Variants in CSMD3 observed in about 807,000 individuals in gnomAD.
CSMD3 encodes the protein CUB and sushi domain-containing protein 3.
Under a neutral mutation model 435.2 loss-of-function variants are expected in CSMD3, and 177 were observed. The ratio of observed to expected loss-of-function variants is 0.41; its 90% confidence interval spans 0.36 to 0.46. The LOEUF (loss-of-function observed/expected upper bound fraction) is 0.46. CSMD3 is among the 20% of genes least tolerant of loss of function. The pLI is 0.34. For missense variants in CSMD3, 4,265 were observed against 4,504.6 expected (o/e 0.95, Z 1.52); for synonymous variants, 1,656 against 1,520.5 (o/e 1.09, Z -2.07).
chr8:112,315,268 C>A (rs1462461452), intron 47 of CSMD3, among the ~76,000 whole-genome samples: 4 of 151,786 alleles, frequency 2.6e-5, no homozygotes, highest in Non-Finnish European at 1.5e-5. Context: ...TATCAACACA[C>A]TATAAAAACA....
chr8:113,033,577 T>A lies in CSMD3; in HGVS notation c.918-14398A>T, dbSNP rs188937474. Reference sequence around the variant, plus strand: ...AGTAACTTTTGATTTTGATTTTTTTTTTTTTTTTTGCTTTTGCTTTTGCTT... The same window carrying A: ...AGTAACTTTTGATTTTGATTTTTTTATTTTTTTTTGCTTTTGCTTTTGCTT... On this transcript the variant is annotated intron_variant, in intron 5 of 70. Coordinates refer to ENST00000297405, the MANE Select transcript of CSMD3 (RefSeq NM_198123.2). Among the ~76,000 whole-genome samples the A allele has an allele frequency of 4.0e-5, 6 of 151,212 alleles. 1 individual carries two copies. The highest frequency in any genetic ancestry group is 7.4e-5 in the Non-Finnish European group (5 of 67,670).
At chr8:113,360,497 A>G (rs1167668098) in intron 1 of CSMD3, among the ~76,000 whole-genome samples, 1 of 152,068 alleles carries the variant, frequency 6.6e-6, no homozygotes, top group Non-Finnish European at 1.5e-5. Flanking sequence ...ACTGGGACAC[A>G]TGTAAAAGTG....
intron 64 of CSMD3, among the ~76,000 whole-genome samples, chr8:112,246,243 G>C (rs1265053622): frequency 6.6e-6 from 1 of 152,166 alleles, no homozygotes; most frequent in Non-Finnish European, 1.5e-5. Context: ...GGATGGTTCT[G>C]AACAGGGATA....
chr8:112,642,307 A>G (rs182716083), intron 20 of CSMD3, among the ~76,000 whole-genome samples: 1 of 152,204 alleles, frequency 6.6e-6, no homozygotes, highest in African/African-American at 2.4e-5. Context: ...GGTTTCCCGT[A>G]ACTATTTATA....
At position 112,335,433 on chromosome 8, in the gene CSMD3, C is replaced by T. The variant is rs1006338296; in HGVS notation, c.7061G>A (p.Ser2354Asn). The T allele has an allele frequency of 2.5e-6, 4 of 1,614,028 alleles. No individual in the cohort carries two copies. Among genetic ancestry groups the T allele is most frequent in the Non-Finnish European group, 3.4e-6 (4 of 1,179,958 alleles). The change falls in exon 45 of 71, where the codon AGT becomes AAT. Residue 2354 changes from serine (S) to asparagine (N), a missense_variant. By Grantham distance (46) the Ser-to-Asn change is conservative. Around this residue, in one of 3 missense-constraint regions of CSMD3, gnomAD observed 3,255 missense variants for 3,380.2 expected, o/e 0.96. Transcript: ENST00000297405. ...GACTGATTCCAAAGCGGTATTGCCA[C>T]TGAACTGACCGATCTGAGGTGAATT... ...DQNSPQIGQF[S>N]GNTALESVYS...
At chr8:112,400,783 T>G (rs1586198958) in intron 35 of CSMD3, among the ~76,000 whole-genome samples, 1 of 152,308 alleles carries the variant, frequency 6.6e-6, no homozygotes, top group African/African-American at 2.4e-5. Context: ...TTTATATAGA[T>G]TTTTATTTTT....
chr8:112,594,295 T>C (rs960410954), intron 22 of CSMD3, among the ~76,000 whole-genome samples: 7 of 152,094 alleles, frequency 4.6e-5, no homozygotes, highest in Non-Finnish European at 8.8e-5. Context: ...CACTCGAATA[T>C]TGCGCTTTTC....
chr8:112,499,474 G>GCACT (rs1482836197), intron 30 of CSMD3, among the ~76,000 whole-genome samples: 3 of 151,924 alleles, frequency 2.0e-5, no homozygotes, highest in Non-Finnish European at 2.9e-5. Flanking sequence ...ATAAAAACTT[G>GCACT]CACTCATTAG....
chr8:112,671,242 T>C (rs1340863832), intron 16 of CSMD3, among the ~76,000 whole-genome samples: 2 of 152,030 alleles, frequency 1.3e-5, no homozygotes, highest in African/African-American at 2.4e-5. Context: ...TTTAGAAAAC[T>C]TGTTTGTTTT....
chr8:113,096,710 T>G (rs963943302), intron 5 of CSMD3, among the ~76,000 whole-genome samples: 4 of 152,096 alleles, frequency 2.6e-5, no homozygotes, highest in African/African-American at 9.7e-5. Flanking sequence ...CCCATGGTCA[T>G]TCTTTTCTAG....
chr8:112,384,093 C>G (rs964233626), intron 36 of CSMD3, among the ~76,000 whole-genome samples: 1 of 152,050 alleles, frequency 6.6e-6, no homozygotes, highest in African/African-American at 2.4e-5. Context: ...GCCTGTAGGA[C>G]CTTATAATAT....
At chr8:112,487,694 G>A (rs1400757235) in intron 31 of CSMD3, among the ~76,000 whole-genome samples, 3 of 151,990 alleles carry the variant, frequency 2.0e-5, no homozygotes, top group Non-Finnish European at 4.4e-5. Context: ...GGTAAGAGAC[G>A]GCAGATGCTC....
chr8:112,492,407 T>A, intron 31 of CSMD3, 82 bp downstream of exon 31: 1 of 1,034,110 alleles, frequency 9.7e-7, no homozygotes, highest in Non-Finnish European at 1.5e-6. Context: ...GAATAGTTGA[T>A]GTTCTGAAAC....
chr8:113,334,201 T>C (rs547983531), intron 1 of CSMD3, among the ~76,000 whole-genome samples: 1 of 151,794 alleles, frequency 6.6e-6, no homozygotes, highest in Non-Finnish European at 1.5e-5. Context: ...ATCTGTATTA[T>C]TTTATATTAT....
At chr8:112,538,386 C>A (rs1036998932) in intron 27 of CSMD3, among the ~76,000 whole-genome samples, 1 of 151,828 alleles carries the variant, frequency 6.6e-6, no homozygotes, top group East Asian at 1.9e-4. Context: ...AAAAAGGCAT[C>A]GAAATTAGGA....
At chr8:113,378,086 T>C (rs940194992) in intron 1 of CSMD3, among the ~76,000 whole-genome samples, 8 of 152,074 alleles carry the variant, frequency 5.3e-5, no homozygotes, top group Non-Finnish European at 1.2e-4. Context: ...CATTATGAGA[T>C]TAATAATAAT....
intron 13 of CSMD3, among the ~76,000 whole-genome samples, chr8:112,698,082 T>C (rs904887385): frequency 2.6e-5 from 4 of 151,906 alleles, no homozygotes; most frequent in African/African-American, 9.7e-5. Flanking sequence ...GTATTATGGA[T>C]GAGGGCCAGA....
chr8:113,396,856 CTTAT>C, intron 1 of CSMD3, among the ~76,000 whole-genome samples: 1 of 152,090 alleles, frequency 6.6e-6, no homozygotes, highest in Non-Finnish European at 1.5e-5. Flanking sequence ...TTATTTATTA[CTTAT>C]TTATTTTCTG....
intron 4 of CSMD3, among the ~76,000 whole-genome samples, chr8:113,107,431 C>T (rs1199744768): frequency 6.6e-6 from 1 of 152,204 alleles, no homozygotes; most frequent in Non-Finnish European, 1.5e-5. Flanking sequence ...ATGCAATTGT[C>T]CCCCAGTTTC....
Sources: allele counts gnomAD v4.1 joint callset (sites outside exome capture counted in the v4.1 genomes callset), GRCh38; gene constraint gnomAD v4.1.1; regional missense constraint gnomAD v4.1.1; transcripts MANE v1.5; gene names NCBI Gene and HGNC (gene_info 2026-07-23, HGNC 2026-07-21).